The following MID2 variants were observed in gnomAD, a reference collection of about 807,000 sequenced individuals.
MID2 encodes midline 2.
In MID2, 13 loss-of-function variants were observed where a neutral mutation model predicts 46.1. The ratio of observed to expected loss-of-function variants is 0.28; its 90% CI spans 0.18 to 0.45. The LOEUF is 0.45. Among genes scored for constraint, MID2 ranks in the 20% least tolerant of loss-of-function variants. The probability of loss-of-function intolerance (pLI) is 1.00; values close to 1 mark genes in which losing one functional copy is unlikely to be tolerated. For missense variants in MID2, 431 were observed against 575.4 expected, an observed-to-expected ratio of 0.75 and a Z score of 2.57; for synonymous variants, 199 against 212.3, an observed-to-expected ratio of 0.94 and a Z score of 0.55.
At chrX:107,914,906 A>G (rs1156961432) in intron 5 of MID2, among the ~76,000 whole-genome samples, 7 of 112,514 alleles carry the variant, frequency 6.2e-5, no homozygotes, top group Non-Finnish European at 1.3e-4. Context: ...GTGATCTTGG[A>G]CAAGTTACTT....
chrX:107,901,143 G>A (rs983448109), intron 3 of MID2: 3 of 111,848 alleles, frequency 2.7e-5, no homozygotes, highest in Non-Finnish European at 3.8e-5. Flanking sequence ...CTATATTAAC[G>A]AATAAGGGTA....
At chrX:107,913,217 A>G (rs1237129475) in intron 5 of MID2, among the ~76,000 whole-genome samples, 1 of 111,959 alleles carries the variant, frequency 8.9e-6, no homozygotes, top group Admixed American at 9.5e-5. Context: ...TACATTTGAA[A>G]CAATGTATCA....
chrX:107,826,964 A>G (rs934172942), intron 1 of MID2, among the ~76,000 whole-genome samples: 4 of 112,773 alleles, frequency 3.5e-5, no homozygotes, highest in Non-Finnish European at 7.5e-5. Context: ...GCGATCCTCG[A>G]GTCTCCGTCT....
chrX:107,899,990 C>T (rs1932782674), intron 3 of MID2, among the ~76,000 whole-genome samples: 1 of 112,068 alleles, frequency 8.9e-6, no homozygotes, highest in African/African-American at 3.2e-5. Context: ...GTTTTATTCA[C>T]ATCACAAAGA....
At chrX:107,907,639 A>T (rs1932847319) in intron 5 of MID2, among the ~76,000 whole-genome samples, 1 of 111,044 alleles carries the variant, frequency 9.0e-6, no homozygotes, top group Non-Finnish European at 1.9e-5. Context: ...AAAAAACCCC[A>T]TGACTTTCCT....
intron 3 of MID2, among the ~76,000 whole-genome samples, chrX:107,892,383 A>G (rs1486394311): frequency 1.8e-5 from 2 of 111,964 alleles, no homozygotes; most frequent in East Asian, 2.8e-4. Flanking sequence ...GCAAACCTCT[A>G]TTAGACTGCT....
chrX:107,866,391 A>G (rs186456104), intron 3 of MID2, among the ~76,000 whole-genome samples: 4 of 106,877 alleles, frequency 3.7e-5, no homozygotes, highest in Admixed American at 3.1e-4. Context: ...ATTTCTGTCA[A>G]AAACAGGATA....
intron 2 of MID2, among the ~76,000 whole-genome samples, chrX:107,849,245 C>T: frequency 8.9e-6 from 1 of 111,778 alleles, no homozygotes; most frequent in Non-Finnish European, 1.9e-5. Context: ...AGATTACACC[C>T]CCTTTTAGGC....
At chrX:107,890,767 C>T (rs913849695) in intron 3 of MID2, among the ~76,000 whole-genome samples, 25 of 111,940 alleles carry the variant, frequency 2.2e-4, no homozygotes, top group African/African-American at 7.1e-4. Context: ...GGGCTCCACC[C>T]AGTTCAAGCT....
chrX:107,922,860 A>G (rs771202239), intron 7 of MID2, among the ~76,000 whole-genome samples: 1 of 111,287 alleles, frequency 9.0e-6, no homozygotes, highest in South Asian at 3.8e-4. Context: ...TTGTCTTTGT[A>G]TTGTTGGGTG....
Position 107,840,873 on chromosome X carries a change from C to T in MID2, c.208C>T (p.Pro70Ser), listed in dbSNP as rs1178855156. 1.7e-6 allele frequency: 2 copies of T among 1,211,437 alleles called. No individual in the cohort carries two copies. Among genetic ancestry groups the T allele is most frequent in the Non-Finnish European group, 2.2e-6 (2 of 895,329 alleles). The change falls in exon 2 of 10, where the codon CCC (proline) becomes TCC (serine). Residue 70 changes from proline (P) to serine (S), a missense_variant. Transcript: ENST00000262843. ...CTGCAGCTCTGGTGAATCCATTGAACCCATTACTGCTTTCCAGTGTCCTAC... is the reference window on the plus strand; with the variant it reads ...CTGCAGCTCTGGTGAATCCATTGAATCCATTACTGCTTTCCAGTGTCCTAC... ...SSCSSGESIE[P>S]ITAFQCPTCR...
At chrX:107,885,912 A>C (rs1231473206) in intron 3 of MID2, among the ~76,000 whole-genome samples, 1 of 111,857 alleles carries the variant, frequency 8.9e-6, no homozygotes. Flanking sequence ...TGGCTGCATA[A>C]ATGTCTTCTT....
At chrX:107,910,515 T>C (rs777924340) in intron 5 of MID2, among the ~76,000 whole-genome samples, 35 of 110,317 alleles carry the variant, frequency 3.2e-4, no homozygotes, top group Middle Eastern at 9.5e-3. Flanking sequence ...GGATATATAC[T>C]GACTAGTGGG....
At chrX:107,854,735 G>A (rs768549241) in intron 3 of MID2, 31 bp downstream of exon 3, 3 of 1,087,841 alleles carry the variant, frequency 2.8e-6, no homozygotes, top group South Asian at 3.8e-5. Flanking sequence ...TGATTTTTCA[G>A]AGGACCTGAA....
At chrX:107,913,179 G>T (rs1251233346) in intron 5 of MID2, among the ~76,000 whole-genome samples, 1 of 111,639 alleles carries the variant, frequency 9.0e-6, no homozygotes, top group Admixed American at 9.5e-5. Context: ...TCACAAACAT[G>T]ATATGCTATA....
rs1933228939 is a variant in MID2 at position 107,928,565 on chromosome X, A to G, written c.*1492A>G. On this transcript the variant is annotated 3_prime_UTR_variant, in exon 10 of 10. Coordinates refer to ENST00000262843, the MANE Select transcript of MID2 (RefSeq NM_012216.4). ...AGCCATAACAACTCCCTCAGATTGGAGACTTGAAATGTCAAAACTCCCCTC... is the reference window on the plus strand; with the variant it reads ...AGCCATAACAACTCCCTCAGATTGGGGACTTGAAATGTCAAAACTCCCCTC... Among the ~76,000 whole-genome samples, 1 of 111,602 alleles carries G rather than the reference A, an allele frequency of 9.0e-6. No individual in the cohort carries two copies. The highest frequency in any genetic ancestry group is 9.5e-5 in the Admixed American group (1 of 10,525).
chrX:107,917,732 G>A lies in MID2; in HGVS notation c.1428G>A (p.Ala476=), dbSNP rs534271877. 493 of 1,208,044 alleles carry A rather than the reference G, an allele frequency of 4.1e-4. 3 individuals carry two copies. The South Asian group carries it at 7.7e-3, about 19-fold the overall frequency. The change falls in exon 7 of 10, where the codon GCG becomes GCA. Residue 476 remains alanine, a synonymous_variant. Coordinates refer to ENST00000262843, the MANE Select transcript of MID2 (RefSeq NM_012216.4). The part of the protein sequence containing the change: ...EAVSCSRLAG[A]PRGLYNSVDS... ...TAAGCTGCTCAAGATTGGCCGGGGC[G>A]CCACGAGGCAAGTGTTTGTAAGACA...
intron 1 of MID2, among the ~76,000 whole-genome samples, chrX:107,830,081 A>C (rs1447263963): frequency 8.9e-6 from 1 of 111,870 alleles, no homozygotes; most frequent in Non-Finnish European, 1.9e-5. Context: ...TGACACCACA[A>C]TAATTGACAA....
chrX:107,860,073 G>A (rs1366135054), intron 3 of MID2, among the ~76,000 whole-genome samples: 3 of 111,842 alleles, frequency 2.7e-5, no homozygotes, highest in Non-Finnish European at 5.6e-5. Context: ...AAAGGTCAAG[G>A]GTCCAGGGTA....
Sources: allele counts gnomAD v4.1 joint callset (sites outside exome capture counted in the v4.1 genomes callset), GRCh38; gene constraint gnomAD v4.1.1; transcripts MANE v1.5; gene names NCBI Gene and HGNC (gene_info 2026-07-23, HGNC 2026-07-21).